CDK14: variants seen among roughly 807,000 people sequenced by gnomAD.
The protein encoded by CDK14 is cyclin-dependent kinase 14.
In CDK14, 34 loss-of-function variants were observed where a neutral mutation model predicts 60.7. The ratio of observed to expected loss-of-function variants is 0.56; its 90% CI spans 0.43 to 0.75. The LOEUF (loss-of-function observed/expected upper bound fraction) is 0.75, where lower values mean the gene tolerates loss of function less well. CDK14 is among the 30% of genes least tolerant of loss of function. The probability of loss-of-function intolerance (pLI) is 0.00; values close to 1 mark genes in which losing one functional copy is unlikely to be tolerated. For synonymous variants in CDK14, 197 were observed against 203.7 expected, an observed-to-expected ratio of 0.97 and a Z score of 0.28; for missense variants, 482 against 564.1, an observed-to-expected ratio of 0.85 and a Z score of 1.47.
intron 7 of CDK14, among the ~76,000 whole-genome samples, chr7:90,903,625 A>C (rs1363713810): frequency 6.6e-6 from 1 of 152,152 alleles, no homozygotes; most frequent in East Asian, 1.9e-4. Flanking sequence ...GTTTGATAGA[A>C]GGAATATGTT....
intron 2 of CDK14, among the ~76,000 whole-genome samples, chr7:90,687,877 CTCTT>C (rs1224826892): frequency 6.6e-6 from 1 of 152,070 alleles, no homozygotes; most frequent in Non-Finnish European, 1.5e-5. Flanking sequence ...GAATAGTGGC[CTCTT>C]TCTTTTGATG....
intron 12 of CDK14, among the ~76,000 whole-genome samples, chr7:91,108,264 A>C (rs572127094): frequency 6.6e-6 from 1 of 152,294 alleles, no homozygotes; most frequent in East Asian, 1.9e-4. Flanking sequence ...CCAAGGTCAT[A>C]CCACTGCACT....
chr7:90,849,883 ATC>A (rs1562797664), intron 5 of CDK14, among the ~76,000 whole-genome samples: 2 of 152,014 alleles, frequency 1.3e-5, no homozygotes, highest in Non-Finnish European at 2.9e-5. Context: ...TAACAAACTT[ATC>A]TCATGCTGAA....
chr7:91,115,911 G>A (rs1250926808), intron 13 of CDK14, among the ~76,000 whole-genome samples: 1 of 152,192 alleles, frequency 6.6e-6, no homozygotes, highest in Non-Finnish European at 1.5e-5. Context: ...TAGAGGTAAT[G>A]TATTAGTGTG....
intron 11 of CDK14, among the ~76,000 whole-genome samples, chr7:91,075,879 G>C (rs1464833910): frequency 1.3e-5 from 2 of 152,012 alleles, no homozygotes; most frequent in African/African-American, 2.4e-5. Flanking sequence ...TTGCCATAAA[G>C]AGAATAAAAT....
At chr7:90,910,291 C>T (rs1792849918) in intron 7 of CDK14, among the ~76,000 whole-genome samples, 1 of 152,080 alleles carries the variant, frequency 6.6e-6, no homozygotes, top group Non-Finnish European at 1.5e-5. Context: ...TTAATATTTG[C>T]ATTAGCTGTT....
At chr7:90,679,263 A>G (rs1174679807) in intron 2 of CDK14, among the ~76,000 whole-genome samples, 1 of 152,192 alleles carries the variant, frequency 6.6e-6, no homozygotes. Context: ...AACAGTTCTT[A>G]AATCTAGCTC....
chr7:90,892,484 TAAA>T (rs533547415), intron 6 of CDK14, among the ~76,000 whole-genome samples: 22 of 152,356 alleles, frequency 1.4e-4, no homozygotes, highest in Admixed American at 3.9e-4. Context: ...TGCCTATTAG[TAAA>T]ATGTCTTTTC....
intron 12 of CDK14, among the ~76,000 whole-genome samples, chr7:91,082,872 A>G (rs889171966): frequency 1.6e-4 from 24 of 152,228 alleles, no homozygotes; most frequent in Admixed American, 5.2e-4. Flanking sequence ...GATGTGTACC[A>G]TTAAGATTTA....
intron 9 of CDK14, among the ~76,000 whole-genome samples, chr7:90,982,345 A>G (rs1795252600): frequency 6.6e-6 from 1 of 152,184 alleles, no homozygotes; most frequent in African/African-American, 2.4e-5. Context: ...ATAGTGAAGC[A>G]ATTTGAGCCA....
intron 2 of CDK14, among the ~76,000 whole-genome samples, chr7:90,695,604 A>G (rs532861778): frequency 3.9e-5 from 6 of 152,264 alleles, no homozygotes; most frequent in Admixed American, 1.3e-4. Context: ...TTTCTGAGGA[A>G]TATAAACAAA....
chr7:90,864,744 A>G (rs771471368), intron 6 of CDK14, among the ~76,000 whole-genome samples: 2 of 152,188 alleles, frequency 1.3e-5, no homozygotes, highest in Non-Finnish European at 2.9e-5. Context: ...GTTGTTGCCA[A>G]ATAAAAGGAA....
At chr7:90,932,413 A>C (rs551261983) in intron 8 of CDK14, among the ~76,000 whole-genome samples, 2 of 152,200 alleles carry the variant, frequency 1.3e-5, no homozygotes, top group Non-Finnish European at 2.9e-5. Flanking sequence ...ATTAGGAAAA[A>C]TGTCCTTGAT....
At chr7:90,794,436 T>A (rs543392109) in intron 5 of CDK14, among the ~76,000 whole-genome samples, 8 of 152,304 alleles carry the variant, frequency 5.3e-5, no homozygotes, top group South Asian at 4.1e-4. Flanking sequence ...ATCCCTTGTC[T>A]ACAACTGTAA....
intron 2 of CDK14, among the ~76,000 whole-genome samples, chr7:90,718,824 G>A (rs950181882): frequency 1.3e-5 from 2 of 152,134 alleles, no homozygotes; most frequent in Non-Finnish European, 2.9e-5. Flanking sequence ...AGTTATAGAT[G>A]AAGGCAGTTA....
intron 8 of CDK14, among the ~76,000 whole-genome samples, chr7:90,949,994 A>G (rs938317366): frequency 2.0e-5 from 3 of 152,254 alleles, no homozygotes; most frequent in African/African-American, 7.2e-5. Flanking sequence ...TCTCATAGTG[A>G]TTATATGAGT....
chr7:90,686,283 A>C (rs1224131067), intron 2 of CDK14, among the ~76,000 whole-genome samples: 1 of 152,068 alleles, frequency 6.6e-6, no homozygotes, highest in Non-Finnish European at 1.5e-5. Context: ...ATATTGAGTC[A>C]TTTATCTCTA....
At chr7:91,018,941 G>A (rs1244472136) in intron 10 of CDK14, among the ~76,000 whole-genome samples, 2 of 152,110 alleles carry the variant, frequency 1.3e-5, no homozygotes, top group African/African-American at 4.8e-5. Flanking sequence ...CATTCCTGAG[G>A]ACTCCACCTT....
intron 12 of CDK14, among the ~76,000 whole-genome samples, chr7:91,088,238 T>G (rs1247613588): frequency 6.6e-6 from 1 of 152,214 alleles, no homozygotes; most frequent in Non-Finnish European, 1.5e-5. Flanking sequence ...ATGCCATATC[T>G]GTTGTGGTGA....
Sources: gnomAD v4.1 joint callset for allele counts (sites outside exome capture counted in the v4.1 genomes callset) on GRCh38, gnomAD v4.1.1 for gene constraint, MANE v1.5 for transcripts, NCBI Gene and HGNC (gene_info 2026-07-23, HGNC 2026-07-21) for gene names.